ASAP3: variants seen among roughly 807,000 people sequenced by gnomAD.
ASAP3 encodes the protein ArfGAP with SH3 domain, ankyrin repeat and PH domain 3, also known as arf-GAP with SH3 domain, ANK repeat and PH domain-containing protein 3.
ASAP3 carries 85 observed loss-of-function variants against 118.2 expected under a neutral mutation model. That is an observed-to-expected ratio of 0.72 (90% CI 0.60 to 0.86). The LOEUF is 0.86. ASAP3 is among the 40% of genes least tolerant of loss of function. The pLI is 0.00. For synonymous variants in ASAP3, 432 were observed against 477.4 expected (o/e 0.90, Z 1.24); for missense variants, 1,026 against 1,175.0 (o/e 0.87, Z 1.85).
chr1:23,436,853 A>C lies in ASAP3; in HGVS notation c.1476+58T>G. ...CACAACCTGCAAGCCCCGCCCCCGGATGAAACTACACCCCTAACTCCGCTT... is the reference window on the plus strand; with the variant it reads ...CACAACCTGCAAGCCCCGCCCCCGGCTGAAACTACACCCCTAACTCCGCTT... On this transcript the variant is annotated intron_variant, in intron 15 of 24. Transcript: ENST00000336689. The surrounding 1 kb of genome is among the most constrained non-coding windows in gnomAD (Gnocchi z 4.2). The C allele has an allele frequency of 4.1e-6, 6 of 1,460,828 alleles. No individual in the cohort carries two copies. The highest frequency in any genetic ancestry group is 5.5e-6 in the Non-Finnish European group (6 of 1,087,824). The allele number at this position is 1,460,828 out of a possible 1,614,324, so 90.5% of individuals were successfully genotyped here.
At chr1:23,452,339 C>G (rs1171052350) in intron 4 of ASAP3, among the ~76,000 whole-genome samples, 1 of 152,224 alleles carries the variant, frequency 6.6e-6, no homozygotes, top group African/African-American at 2.4e-5. Flanking sequence ...GATTCAGGAT[C>G]CCTGGATTCC....
rs1436734868 is a variant in ASAP3, at chr1:23,428,639, C to G, written c.*1217G>C. The stretch of plus-strand genomic sequence containing the variant: ...TGAATGAAACCAGACACTGGGGGCT[C>G]AAAAGACAACCCTGTTCCTGTGGGA... On this transcript the variant is annotated 3_prime_UTR_variant, in exon 25 of 25. Coordinates refer to ENST00000336689, the MANE Select transcript of ASAP3 (RefSeq NM_017707.4). 6.6e-6 allele frequency: 1 copy of G among 152,432 alleles called. No homozygotes were observed. The highest frequency in any genetic ancestry group is 2.4e-5 in the African/African-American group (1 of 41,470). 9.4% of individuals were successfully genotyped at this position (152,432 alleles called of 1,614,324 possible).
intron 1 of ASAP3, among the ~76,000 whole-genome samples, chr1:23,456,648 A>G (rs924241259): frequency 1.3e-5 from 2 of 152,178 alleles, no homozygotes; most frequent in Non-Finnish European, 1.5e-5. Context: ...ATATGTACAA[A>G]ATGCTGAGCA....
At chr1:23,440,324 ACC>A (rs1274667786) in intron 10 of ASAP3, among the ~76,000 whole-genome samples, 1 of 141,934 alleles carries the variant, frequency 7.0e-6, no homozygotes, top group African/African-American at 2.6e-5. Flanking sequence ...ACACGGTGAA[ACC>A]CCGTCTCTAC....
intron 1 of ASAP3, among the ~76,000 whole-genome samples, chr1:23,464,256 G>A (rs1042753432): frequency 2.0e-5 from 3 of 149,956 alleles, no homozygotes; most frequent in Admixed American, 1.3e-4. Flanking sequence ...GTGTGATCTC[G>A]GCTCACTGCA....
rs760214231 is a variant in ASAP3, at chr1:23,431,762, C to G, written c.2480G>C (p.Gly827Ala). 6.6e-7 allele frequency: 1 copy of G among 1,526,584 alleles called. No homozygotes were observed. The highest frequency in any genetic ancestry group is 1.3e-5 in the South Asian group (1 of 76,260). 94.6% of individuals were successfully genotyped at this position (1,526,584 alleles called of 1,614,324 possible). A position where few individuals can be genotyped will look rare whatever the true frequency, so the allele number is the denominator to read the frequency against. Residue 827 changes from glycine to alanine, a missense_variant, in exon 23 of 25, where the codon GGC (glycine) becomes GCC (alanine). Coordinates refer to ENST00000336689, the MANE Select transcript of ASAP3 (RefSeq NM_017707.4). ...NSEEGLREPPGTSRPSLTSGT... is the reference protein window; with the variant it reads ...NSEEGLREPPATSRPSLTSGT... ...GGATGTCAGGCTGGGTCTGGAGGTG[C>G]CTGGGGGCTCTCGGAGGCCCTCTTC...
Position 23,456,120 on chromosome 1 carries a change from A to C in ASAP3, c.202+2T>G. Reference sequence around the variant, plus strand: ...GGCGGGGCACCCAGGAGGCTCACTTACCAAGGCCGGAGCTATGGATTGCCC... The same window carrying C: ...GGCGGGGCACCCAGGAGGCTCACTTCCCAAGGCCGGAGCTATGGATTGCCC... On this transcript the variant is annotated splice_donor_variant, in intron 2 of 24. Transcript: ENST00000336689. LOFTEE classifies it high-confidence loss of function. 1 of 1,614,082 alleles carries C rather than the reference A, an allele frequency of 6.2e-7. No individual in the cohort carries two copies.
intron 18 of ASAP3, 41 bp from the exon 19 acceptor site, chr1:23,434,410 A>G: frequency 6.2e-7 from 1 of 1,608,850 alleles, no homozygotes; most frequent in South Asian, 1.1e-5. Flanking sequence ...AGGGGAACAG[A>G]TCAATGAGGG....
chr1:23,434,334 G>T lies in ASAP3; in HGVS notation c.1871C>A (p.Thr624Lys). ...GTAGAGTGCTGCGTAGTGCAGAGCC[G>T]TGTTCCCGTCAGCAGCCTTGGCATC... is the stretch of plus-strand genomic sequence containing the variant. ...HLDAKAADGN[T>K]ALHYAALYNQ... Residue 624 changes from threonine (T) to lysine (K), a missense_variant, in exon 19 of 25, where the codon ACG becomes AAG. Transcript: ENST00000336689. The T allele has an allele frequency of 6.2e-7, 1 of 1,614,216 alleles. No individual in the cohort carries two copies. Among genetic ancestry groups the T allele is most frequent in the African/African-American group, 1.3e-5 (1 of 75,058 alleles).
chr1:23,456,050 T>C (rs1641372909), intron 2 of ASAP3, 24 bp from the exon 3 acceptor site: 1 of 1,613,970 alleles, frequency 6.2e-7, no homozygotes, highest in East Asian at 2.2e-5. Flanking sequence ...GACGGGAGCT[T>C]GGAGTTAGCT....
chr1:23,460,971 A>T (rs1641567849), intron 1 of ASAP3, among the ~76,000 whole-genome samples: 1 of 152,254 alleles, frequency 6.6e-6, no homozygotes, highest in African/African-American at 2.4e-5. Flanking sequence ...TGAAAAGGCT[A>T]CTACATGATT....
chr1:23,433,457 C>A lies in ASAP3; in HGVS notation c.2095G>T (p.Gly699Cys), dbSNP rs1473752826. 1.2e-6 allele frequency: 2 copies of A among 1,614,068 alleles called. No individual in the cohort carries two copies. Among genetic ancestry groups the A allele is most frequent in the Admixed American group, 3.3e-5 (2 of 60,000 alleles). The change falls in exon 21 of 25, where the codon GGC (glycine) becomes TGC (cysteine). Residue 699 changes from glycine (G) to cysteine (C), a missense_variant. By Grantham distance (159) the Gly-to-Cys change is radical. Coordinates refer to ENST00000336689, the MANE Select transcript of ASAP3 (RefSeq NM_017707.4). ...DYSWVISTEP[G>C]SDSEEDEEEK... ...TCCTCATCCTCCTCACTGTCAGAGCCAGGCTCTGTGGAAATTACCCAGGAG... is the reference window on the plus strand; with the variant it reads ...TCCTCATCCTCCTCACTGTCAGAGCAAGGCTCTGTGGAAATTACCCAGGAG...
At chr1:23,479,621 C>G (rs1055718055) in intron 1 of ASAP3, among the ~76,000 whole-genome samples, 4 of 152,058 alleles carry the variant, frequency 2.6e-5, no homozygotes, top group Non-Finnish European at 5.9e-5. Flanking sequence ...CTTTCTAAAA[C>G]AAGATTCAAA....
rs757477745 is a variant in ASAP3, at chr1:23,436,628, G to T, written c.1503C>A (p.Ser501Arg). ...LLLALNMGNTSFNEVMEAQLP... is the reference protein window; with the variant it reads ...LLLALNMGNTRFNEVMEAQLP... The stretch of plus-strand genomic sequence containing the variant: ...GCTGGGCCTCCATGACCTCATTGAA[G>T]CTCGTGTTTCCCATGTTCAAGGCCA... Residue 501 changes from serine (S) to arginine (R), a missense_variant, in exon 16 of 25, where the codon AGC (serine) becomes AGA (arginine). Coordinates refer to ENST00000336689, the MANE Select transcript of ASAP3 (RefSeq NM_017707.4). The surrounding 1 kb of genome is among the most constrained non-coding windows in gnomAD (Gnocchi z 4.2). 1 of 1,614,228 alleles carries T rather than the reference G, an allele frequency of 6.2e-7. No individual in the cohort carries two copies. The highest frequency in any genetic ancestry group is 2.2e-5 in the East Asian group (1 of 44,884).
chr1:23,441,613 CAG>C (rs773656955), intron 8 of ASAP3, 40 bp downstream of exon 8: 1 of 1,611,490 alleles, frequency 6.2e-7, no homozygotes, highest in South Asian at 1.1e-5. Flanking sequence ...CCTGGAAGGA[CAG>C]GGGGCTTGAT....
At chr1:23,472,350 G>A (rs900050130) in intron 1 of ASAP3, among the ~76,000 whole-genome samples, 4 of 152,106 alleles carry the variant, frequency 2.6e-5, no homozygotes, top group Non-Finnish European at 4.4e-5. Flanking sequence ...TTTTGTTTTC[G>A]TAGAGACAGG....
intron 5 of ASAP3, among the ~76,000 whole-genome samples, chr1:23,450,782 C>T (rs1641189391): frequency 6.6e-6 from 1 of 152,098 alleles, no homozygotes; most frequent in Admixed American, 6.5e-5. Flanking sequence ...TACAAAAAAG[C>T]ACAAACAATG....
At chr1:23,442,738 G>T (rs1640917974) in intron 5 of ASAP3, 126 bp from the exon 6 acceptor site, 2 of 1,405,832 alleles carry the variant, frequency 1.4e-6, no homozygotes, top group African/African-American at 1.4e-5. Context: ...GTGTGGTGGG[G>T]CTGGGTACAA....
chr1:23,460,506 C>CAAAAAAAAAAA (rs71023213), intron 1 of ASAP3, among the ~76,000 whole-genome samples: 11 of 84,794 alleles, frequency 1.3e-4, no homozygotes, highest in African/African-American at 1.9e-4. Context: ...GACTCCATCT[C>CAAAAAAAAAAA]AAAAAAAAAA....
Sources: allele counts gnomAD v4.1 joint callset (sites outside exome capture counted in the v4.1 genomes callset), GRCh38; gene constraint gnomAD v4.1.1; non-coding constraint Gnocchi (gnomAD v3.1); transcripts MANE v1.5; gene names NCBI Gene and HGNC (gene_info 2026-07-23, HGNC 2026-07-21).